The following RIMS3 variants were observed in gnomAD, a reference collection of about 807,000 sequenced individuals.
RIMS3 encodes the protein regulating synaptic membrane exocytosis protein 3.
RIMS3 carries 15 observed loss-of-function variants against 29.2 expected under a neutral mutation model. The ratio of observed to expected loss-of-function variants is 0.51; its 90% CI spans 0.34 to 0.79. The LOEUF (loss-of-function observed/expected upper bound fraction) is 0.79, where lower values mean the gene tolerates loss of function less well. RIMS3 is among the 30% of genes least tolerant of loss of function. The pLI, the probability that RIMS3 is intolerant of heterozygous loss-of-function variation, is 0.01. For missense variants in RIMS3, 342 were observed against 421.4 expected (o/e 0.81, Z 1.65); for synonymous variants, 161 against 170.1 (o/e 0.95, Z 0.41).
chr1:40,682,640 G>A, the RIMS3 span, among the ~76,000 whole-genome samples: 3 of 151,548 alleles, frequency 2.0e-5, no homozygotes, highest in Non-Finnish European at 4.4e-5. Context: ...TGGATAGCTG[G>A]TTTGGATTTT....
chr1:40,683,926 T>A, the RIMS3 span, among the ~76,000 whole-genome samples: 1 of 152,214 alleles, frequency 6.6e-6, no homozygotes, highest in African/African-American at 2.4e-5. Context: ...TGAGAAGTGT[T>A]ACTCTATCCT....
chr1:40,654,707 C>CA lies in RIMS3; in HGVS notation c.-206-6866dup, dbSNP rs2148357824. ...AGAAAAACTCCCTCGCAGAGAACTG[C>CA]AGACATATCGCATGAAGATACATTC... On this transcript the variant is annotated intron_variant, in intron 1 of 7. Transcript: ENST00000372684. The surrounding 1 kb of genome is among the most constrained non-coding windows in gnomAD (Gnocchi z 5.3). Among the ~76,000 whole-genome samples, 1 of 152,214 alleles carries CA rather than the reference C, an allele frequency of 6.6e-6. No homozygotes were observed. Among genetic ancestry groups the CA allele is most frequent in the East Asian group, 1.9e-4 (1 of 5,182 alleles).
At chr1:40,690,869 ACT>A in the RIMS3 span, 1 of 152,192 alleles carries the variant, frequency 6.6e-6, no homozygotes, top group African/African-American at 2.4e-5. Context: ...TAATGCACTA[ACT>A]CTCACTGTAG....
At chr1:40,632,066 T>C (rs1213745541) in intron 5 of RIMS3, among the ~76,000 whole-genome samples, 3 of 152,168 alleles carry the variant, frequency 2.0e-5, no homozygotes, top group Non-Finnish European at 4.4e-5. Flanking sequence ...TATTCAGTTT[T>C]TGAGACAGGG....
intron 3 of RIMS3, among the ~76,000 whole-genome samples, chr1:40,637,501 C>CACACACAT (rs1035762835): frequency 1.3e-5 from 2 of 152,064 alleles, no homozygotes; most frequent in African/African-American, 2.4e-5. Context: ...CTCTCATACA[C>CACACACAT]ACACACACAG....
intron 1 of RIMS3, among the ~76,000 whole-genome samples, chr1:40,648,915 C>A (rs1165979503): frequency 6.6e-6 from 1 of 152,216 alleles, no homozygotes; most frequent in Non-Finnish European, 1.5e-5. Flanking sequence ...ACCAGGATGG[C>A]CCATCGCATC....
At chr1:40,683,776 C>G in the RIMS3 span, among the ~76,000 whole-genome samples, 1 of 152,234 alleles carries the variant, frequency 6.6e-6, no homozygotes, top group Non-Finnish European at 1.5e-5. Context: ...AGCATTTCTA[C>G]CACTGCAGAA....
At chr1:40,643,886 A>G (rs147329659) in intron 2 of RIMS3, among the ~76,000 whole-genome samples, 125 of 152,272 alleles carry the variant, frequency 8.2e-4, no homozygotes, top group African/African-American at 3.0e-3. Context: ...CTTCCCTAGC[A>G]TCCGCTCCCC....
the RIMS3 span, among the ~76,000 whole-genome samples, chr1:40,682,741 C>CTTT: frequency 4.8e-4 from 37 of 77,520 alleles, 6 homozygotes; most frequent in African/African-American, 6.0e-4. Flanking sequence ...CTTTGCAGAT[C>CTTT]TTTTTTTTTT....
At chr1:40,640,069 C>T (rs1039761056) in intron 3 of RIMS3, among the ~76,000 whole-genome samples, 1 of 152,182 alleles carries the variant, frequency 6.6e-6, no homozygotes, top group South Asian at 2.1e-4. Flanking sequence ...AAGACTGTCC[C>T]CCCAAATCAC....
the RIMS3 span, among the ~76,000 whole-genome samples, chr1:40,671,759 T>TTC: frequency 7.2e-6 from 1 of 139,716 alleles, no homozygotes; most frequent in Non-Finnish European, 1.5e-5. Flanking sequence ...TTTCTTTTCT[T>TTC]TTTTTTTTTT....
At chr1:40,664,809 T>C (rs746402947) in intron 1 of RIMS3, among the ~76,000 whole-genome samples, 2 of 152,086 alleles carry the variant, frequency 1.3e-5, no homozygotes, top group African/African-American at 4.8e-5. Context: ...AAGTTGCCCA[T>C]CAAGGGTCCT....
intron 1 of RIMS3, among the ~76,000 whole-genome samples, chr1:40,664,701 C>G (rs1432804682): frequency 6.6e-6 from 1 of 152,142 alleles, no homozygotes; most frequent in African/African-American, 2.4e-5. Context: ...AAACCCACTC[C>G]TCAGGGCTGA....
At chr1:40,680,552 G>C in the RIMS3 span, among the ~76,000 whole-genome samples, 1 of 151,946 alleles carries the variant, frequency 6.6e-6, no homozygotes, top group East Asian at 1.9e-4. Context: ...GGATGGTCTT[G>C]AACTCCTGGC....
Position 40,636,833 on chromosome 1 carries a change from G to A in RIMS3, c.218-776C>T, listed in dbSNP as rs1229089803. On this transcript the variant is annotated intron_variant, in intron 3 of 7. Coordinates refer to ENST00000372684, the MANE Select transcript of RIMS3 (RefSeq NM_014747.3). This position sits in a 1 kb window ranked among gnomAD's most constrained non-coding sequence, Gnocchi z 4.2. Reference sequence around the variant, plus strand: ...CTGGCCTCCCCCTCAGCCTTGCAGGGAACATGGGACACTTTCCCTCTCCCA... The same window carrying A: ...CTGGCCTCCCCCTCAGCCTTGCAGGAAACATGGGACACTTTCCCTCTCCCA... Among the ~76,000 whole-genome samples the A allele has an allele frequency of 6.6e-6, 1 of 152,190 alleles. No homozygotes were observed. The highest frequency in any genetic ancestry group is 1.5e-5 in the Non-Finnish European group (1 of 68,032).
At chr1:40,637,255 GA>G (rs1254349015) in intron 3 of RIMS3, among the ~76,000 whole-genome samples, 3 of 152,204 alleles carry the variant, frequency 2.0e-5, no homozygotes, top group Non-Finnish European at 2.9e-5. Context: ...CCCAGCCTGG[GA>G]AAAGGAAGAC....
At chr1:40,642,680 G>C (rs1021798657) in intron 2 of RIMS3, among the ~76,000 whole-genome samples, 2 of 152,168 alleles carry the variant, frequency 1.3e-5, no homozygotes. Context: ...TCATGGTCGG[G>C]CACAGTGGCT....
At chr1:40,689,868 C>T in the RIMS3 span, among the ~76,000 whole-genome samples, 1 of 152,206 alleles carries the variant, frequency 6.6e-6, no homozygotes, top group African/African-American at 2.4e-5. Context: ...CCACTCCCTT[C>T]CCCTGGGATC....
intron 1 of RIMS3, among the ~76,000 whole-genome samples, chr1:40,663,298 G>C (rs893448715): frequency 6.6e-6 from 1 of 152,122 alleles, no homozygotes; most frequent in Non-Finnish European, 1.5e-5. Context: ...CCTCTTCTGG[G>C]GCCCATGACA....
Sources: gnomAD v4.1 joint callset for allele counts (sites outside exome capture counted in the v4.1 genomes callset) on GRCh38, gnomAD v4.1.1 for gene constraint, Gnocchi (gnomAD v3.1) non-coding constraint, MANE v1.5 for transcripts, NCBI Gene and HGNC (gene_info 2026-07-23, HGNC 2026-07-21) for gene names.